The following RIPOR3 variants were observed in gnomAD, a reference collection of about 807,000 sequenced individuals.
RIPOR3 encodes the protein family with sequence similarity 65 member C.
Under a neutral mutation model 114.3 loss-of-function variants are expected in RIPOR3, and 95 were observed. That is an observed-to-expected ratio of 0.83 (90% CI 0.70 to 0.99). RIPOR3 has a LOEUF of 0.99. RIPOR3 is among the 50% of genes least tolerant of loss of function. The pLI, the probability that RIPOR3 is intolerant of heterozygous loss-of-function variation, is 0.00. For missense variants in RIPOR3, 1,252 were observed against 1,266.9 expected, an observed-to-expected ratio of 0.99 and a Z score of 0.18; for synonymous variants, 575 against 543.8, an observed-to-expected ratio of 1.06 and a Z score of -0.80.
chr20:50,639,600 G>A (rs575179331), intron 1 of RIPOR3, among the ~76,000 whole-genome samples: 1 of 152,316 alleles, frequency 6.6e-6, no homozygotes, highest in African/African-American at 2.4e-5. Flanking sequence ...AGGTGCAGTG[G>A]CACTCACCTG....
In RIPOR3 at chr20:50,658,704, C is replaced by CA. The variant is rs754052010; in HGVS notation, c.4-27849dup. 1.9e-3 allele frequency among the ~76,000 whole-genome samples: 268 copies of CA among 141,252 alleles called. 1 individual carries two copies. The highest frequency in any genetic ancestry group is 7.8e-3 in the East Asian group (38 of 4,896). 92.7% of individuals were successfully genotyped at this position (141,252 alleles called of 152,430 possible). The stretch of plus-strand genomic sequence containing the variant: ...TGGGAAACAGAGCGAGATTCTGTCT[C>CA]AAAAAAAAAAAATTATAATCAATCT... On this transcript the variant is annotated intron_variant, in intron 1 of 21. Transcript: ENST00000327979.
intron 1 of RIPOR3, chr20:50,659,762 T>C (rs2085933287): frequency 6.6e-6 from 1 of 151,980 alleles, no homozygotes; most frequent in South Asian, 2.1e-4. Context: ...GGAGGAGTTA[T>C]GGGGTCCTCG....
chr20:50,665,548 G>A (rs2086161802), intron 1 of RIPOR3, among the ~76,000 whole-genome samples: 2 of 150,546 alleles, frequency 1.3e-5, no homozygotes, highest in South Asian at 4.2e-4. Context: ...AGCCTCCTGA[G>A]TAGCTGGGAT....
chr20:50,661,211 C>G (rs1010575583), intron 1 of RIPOR3, among the ~76,000 whole-genome samples: 1 of 151,908 alleles, frequency 6.6e-6, no homozygotes, highest in Admixed American at 6.6e-5. Context: ...GCACTCCAGC[C>G]TGGGCAACAG....
At position 50,667,286 on chromosome 20, in the gene RIPOR3, CTTTTTTTTT is replaced by C. The variant is rs139859156; in HGVS notation, c.3+23831_3+23839del. 8.4e-4 allele frequency among the ~76,000 whole-genome samples: 57 copies of C among 67,564 alleles called. No homozygotes were observed. In the South Asian group the frequency reaches 0.028, roughly 34 times the overall value. 44.3% of individuals were successfully genotyped at this position (67,564 alleles called of 152,430 possible). A position where few individuals can be genotyped will look rare whatever the true frequency, so the allele number is the denominator to read the frequency against. On this transcript the variant is annotated intron_variant, in intron 1 of 21. Coordinates refer to ENST00000327979, the MANE Select transcript of RIPOR3 (RefSeq NM_001290268.2). ...TTTCTGCTTTAAGTTCTTTAAACTA[CTTTTTTTTT>C]TTTTTTTTTTTTTTTTGAGAGGGAG... is the stretch of plus-strand genomic sequence containing the variant.
chr20:50,605,455 A>T (rs1383507309), intron 11 of RIPOR3, among the ~76,000 whole-genome samples: 1 of 152,148 alleles, frequency 6.6e-6, no homozygotes, highest in Non-Finnish European at 1.5e-5. Flanking sequence ...CTCTTCAGAC[A>T]TCACTGTACT....
chr20:50,672,684 A>C (rs1425726209), intron 1 of RIPOR3, among the ~76,000 whole-genome samples: 1 of 152,170 alleles, frequency 6.6e-6, no homozygotes. Context: ...TCATGGTGTA[A>C]CAGATACCAG....
At position 50,608,728 on chromosome 20, in the gene RIPOR3, C is replaced by A; in HGVS notation, c.695G>T (p.Arg232Leu). 4 of 1,614,004 alleles carry A rather than the reference C, an allele frequency of 2.5e-6. No homozygotes were observed. Among genetic ancestry groups the A allele is most frequent in the African/African-American group, 1.3e-5 (1 of 75,042 alleles). ...CPGDHYEVLM[R>L]LGRQRWKLKG... is the part of the protein sequence containing the mutation. ...GAGCTTCCAACGCTGGCGGCCCAGA[C>A]GCATGAGCACCTGTGAACCAGCCCG... The change falls in exon 10 of 22, where the codon CGT (arginine) becomes CTT (leucine). Residue 232 changes from arginine to leucine, a missense_variant. By Grantham distance (102) the Arg-to-Leu change is moderately radical (BLOSUM62 -2). Coordinates refer to ENST00000327979, the MANE Select transcript of RIPOR3 (RefSeq NM_001290268.2).
chr20:50,648,347 T>A (rs76618540), intron 1 of RIPOR3, among the ~76,000 whole-genome samples: 35 of 147,322 alleles, frequency 2.4e-4, no homozygotes, highest in Non-Finnish European at 4.6e-4. Context: ...AAAAAAAAAA[T>A]ACTACAAACT....
intron 2 of RIPOR3, 148 bp from the exon 3 acceptor site, chr20:50,620,280 G>A (rs759810100): frequency 2.8e-5 from 26 of 940,578 alleles, no homozygotes; most frequent in Admixed American, 5.6e-5. Flanking sequence ...CAAGCAGTGT[G>A]GTTTCCAGAA....
intron 13 of RIPOR3, among the ~76,000 whole-genome samples, chr20:50,598,858 T>C (rs1480124117): frequency 6.7e-6 from 1 of 149,654 alleles, no homozygotes; most frequent in Non-Finnish European, 1.5e-5. Flanking sequence ...TGAGCCAAGA[T>C]TGCACCACTG....
chr20:50,641,255 C>T (rs2085183559), intron 1 of RIPOR3, among the ~76,000 whole-genome samples: 1 of 152,092 alleles, frequency 6.6e-6, no homozygotes, highest in African/African-American at 2.4e-5. Context: ...CACTCTATCA[C>T]CCAGGCTGGA....
intron 1 of RIPOR3, among the ~76,000 whole-genome samples, chr20:50,675,716 G>T (rs1006882481): frequency 2.6e-5 from 4 of 152,222 alleles, no homozygotes; most frequent in Non-Finnish European, 4.4e-5. Context: ...CCATGCTGTT[G>T]ACCAGACCAT....
At chr20:50,629,136 G>T (rs1263347000) in intron 2 of RIPOR3, among the ~76,000 whole-genome samples, 1 of 152,168 alleles carries the variant, frequency 6.6e-6, no homozygotes, top group Non-Finnish European at 1.5e-5. Context: ...GAGGGAGGTA[G>T]GCTGCTGGGG....
At chr20:50,670,393 C>G (rs1267591587) in intron 1 of RIPOR3, among the ~76,000 whole-genome samples, 1 of 146,818 alleles carries the variant, frequency 6.8e-6, no homozygotes, top group Non-Finnish European at 1.5e-5. Flanking sequence ...CCAGTGCCAG[C>G]TTAGAGAAAA....
chr20:50,659,530 C>T (rs2085925566), intron 1 of RIPOR3, among the ~76,000 whole-genome samples: 2 of 151,474 alleles, frequency 1.3e-5, no homozygotes, highest in South Asian at 4.2e-4. Flanking sequence ...ACCTGTAATC[C>T]CAGCTACTCG....
chr20:50,621,847 T>A, intron 2 of RIPOR3, among the ~76,000 whole-genome samples: 1 of 152,146 alleles, frequency 6.6e-6, no homozygotes, highest in East Asian at 1.9e-4. Flanking sequence ...GACTGGATGA[T>A]CCTAAAAACT....
chr20:50,606,914 G>C (rs556250538), intron 11 of RIPOR3, among the ~76,000 whole-genome samples: 1 of 152,116 alleles, frequency 6.6e-6, no homozygotes, highest in African/African-American at 2.4e-5. Flanking sequence ...GTTTTTAGTA[G>C]AGATGGGGTT....
intron 1 of RIPOR3, among the ~76,000 whole-genome samples, chr20:50,669,892 C>T (rs2086404335): frequency 6.6e-6 from 1 of 151,458 alleles, no homozygotes; most frequent in Non-Finnish European, 1.5e-5. Flanking sequence ...CGCAGTGGCT[C>T]ATGCCTGTAA....
Sources: gnomAD v4.1 joint callset for allele counts (sites outside exome capture counted in the v4.1 genomes callset) on GRCh38, gnomAD v4.1.1 for gene constraint, MANE v1.5 for transcripts, NCBI Gene and HGNC (gene_info 2026-07-23, HGNC 2026-07-21) for gene names.